The following ADAMTSL1 variants were observed in gnomAD, a reference collection of about 807,000 sequenced individuals.
The protein encoded by ADAMTSL1 is ADAMTS-like protein 1.
A neutral mutation model predicts 201.8 loss-of-function variants in ADAMTSL1; 126 were observed. The observed-to-expected ratio is 0.62, with a 90% CI of 0.54 to 0.72. ADAMTSL1 has a LOEUF of 0.72. Among genes scored for constraint, ADAMTSL1 ranks in the 30% least tolerant of loss-of-function variants. ADAMTSL1 has a pLI of 0.00. For synonymous variants in ADAMTSL1, 1,121 were observed against 903.4 expected (o/e 1.24, Z -4.32); for missense variants, 2,679 against 2,277.8 (o/e 1.18, Z -3.59).
chr9:17,952,297 C>A (rs925419376), intron 1 of ADAMTSL1, among the ~76,000 whole-genome samples: 1 of 151,978 alleles, frequency 6.6e-6, no homozygotes, highest in East Asian at 1.9e-4. Flanking sequence ...TATTTATGAA[C>A]AAATTCCTAC....
intron 2 of ADAMTSL1, among the ~76,000 whole-genome samples, chr9:18,332,146 A>T (rs753395285): frequency 2.0e-5 from 3 of 152,154 alleles, no homozygotes; most frequent in Non-Finnish European, 4.4e-5. Flanking sequence ...CCCAAAGTCA[A>T]TATATTATAT....
At chr9:18,726,054 C>A in intron 15 of ADAMTSL1, among the ~76,000 whole-genome samples, 1 of 152,182 alleles carries the variant, frequency 6.6e-6, no homozygotes, top group East Asian at 1.9e-4. Flanking sequence ...TTTCTCATCT[C>A]TGAAATAGGA....
chr9:18,348,544 A>T (rs1286304856), intron 2 of ADAMTSL1, among the ~76,000 whole-genome samples: 3 of 152,224 alleles, frequency 2.0e-5, no homozygotes, highest in Non-Finnish European at 4.4e-5. Flanking sequence ...AGATTCTAAA[A>T]TTCTCTAGAA....
chr9:18,890,929 T>G (rs1829219471), intron 25 of ADAMTSL1: 1 of 144,772 alleles, frequency 6.9e-6, no homozygotes, highest in African/African-American at 6.3e-5. Flanking sequence ...CTTAATTTAC[T>G]TCTGCAAATG....
chr9:18,301,285 T>C (rs922331343), intron 2 of ADAMTSL1, among the ~76,000 whole-genome samples: 12 of 152,094 alleles, frequency 7.9e-5, no homozygotes, highest in African/African-American at 1.9e-4. Context: ...ATTAGAATAA[T>C]AAAGGAAGTG....
At chr9:18,584,884 A>C (rs535466657) in intron 4 of ADAMTSL1, among the ~76,000 whole-genome samples, 2 of 152,306 alleles carry the variant, frequency 1.3e-5, no homozygotes, top group South Asian at 2.1e-4. Flanking sequence ...TGAATTTCCC[A>C]GTCTCCAGAA....
At chr9:18,851,381 A>G (rs999209254) in intron 23 of ADAMTSL1, among the ~76,000 whole-genome samples, 1 of 152,120 alleles carries the variant, frequency 6.6e-6, no homozygotes. Context: ...TGGAAATTCT[A>G]TTTCCATCTA....
chr9:18,652,003 A>T (rs759476784), intron 7 of ADAMTSL1, among the ~76,000 whole-genome samples: 3 of 152,128 alleles, frequency 2.0e-5, no homozygotes, highest in African/African-American at 7.2e-5. Flanking sequence ...CTAGCTTATA[A>T]TGTCATTTGG....
chr9:18,521,085 C>T (rs888958643), intron 2 of ADAMTSL1, among the ~76,000 whole-genome samples: 1 of 152,136 alleles, frequency 6.6e-6, no homozygotes, highest in East Asian at 1.9e-4. Flanking sequence ...GGAGATTTAA[C>T]CTCAAATGAG....
chr9:18,444,008 G>GT (rs1470600740), intron 2 of ADAMTSL1, among the ~76,000 whole-genome samples: 1 of 152,118 alleles, frequency 6.6e-6, no homozygotes, highest in East Asian at 1.9e-4. Context: ...TCACATTTAA[G>GT]TAAGAGGAAC....
Position 18,653,738 on chromosome 9 carries a change from G to T in ADAMTSL1, c.835-3901G>T, listed in dbSNP as rs115723639. Among the ~76,000 whole-genome samples the T allele has an allele frequency of 6.1e-3, 935 of 152,212 alleles. 7 individuals are homozygous for T. Among genetic ancestry groups the T allele is most frequent in the African/African-American group, 0.021 (857 of 41,550 alleles). On this transcript the variant is annotated intron_variant, in intron 7 of 28. Transcript: ENST00000380548. Reference sequence around the variant, plus strand: ...ACTCTATAAGAAGTATAGAGGTAAAGTTGGGTACTAACATTTTTTAAAATC... The same window carrying T: ...ACTCTATAAGAAGTATAGAGGTAAATTTGGGTACTAACATTTTTTAAAATC...
chr9:18,806,942 T>C lies in ADAMTSL1; in HGVS notation c.3806-10167T>C, dbSNP rs188333357. Reference sequence around the variant, plus strand: ...TCAGGCTCTCCTGTTGTGTAAGAGCTGCCCTCGTTTACTGTGAGGCTCTAT... The same window carrying C: ...TCAGGCTCTCCTGTTGTGTAAGAGCCGCCCTCGTTTACTGTGAGGCTCTAT... On this transcript the variant is annotated intron_variant, in intron 20 of 28. Transcript: ENST00000380548. Among the ~76,000 whole-genome samples the C allele has an allele frequency of 2.1e-3, 266 of 126,926 alleles. 2 individuals are homozygous for C. Among genetic ancestry groups the C allele is most frequent in the Non-Finnish European group, 2.4e-3 (143 of 59,538 alleles). The allele number at this position is 126,926 out of a possible 152,430, so 83.3% of individuals were successfully genotyped here. A position where few individuals can be genotyped will look rare whatever the true frequency, so the allele number is the denominator to read the frequency against.
chr9:18,130,506 A>G (rs1042886464), intron 1 of ADAMTSL1, among the ~76,000 whole-genome samples: 1 of 152,144 alleles, frequency 6.6e-6, no homozygotes, highest in African/African-American at 2.4e-5. Context: ...AGAATGGAGC[A>G]TTCTTTCAGT....
At chr9:18,796,547 C>T (rs1032654978) in intron 20 of ADAMTSL1, 1 of 152,248 alleles carries the variant, frequency 6.6e-6, no homozygotes, top group Non-Finnish European at 1.5e-5. Context: ...TACTGTACTC[C>T]AGTCACACAT....
At chr9:18,039,254 A>G (rs1888111) in intron 1 of ADAMTSL1, among the ~76,000 whole-genome samples, 2,240 of 152,324 alleles carry the variant, frequency 0.015, 62 homozygotes, top group South Asian at 0.048. Context: ...TAATGCCATT[A>G]AGGGATTAAG....
intron 10 of ADAMTSL1, 107 bp from the exon 11 acceptor site, chr9:18,680,205 C>G (rs1028734053): frequency 2.5e-6 from 3 of 1,189,982 alleles, no homozygotes; most frequent in African/African-American, 1.5e-5. Flanking sequence ...CTTAGCCTCT[C>G]AGAACCTGAT....
chr9:18,541,534 G>C (rs1010529007), intron 3 of ADAMTSL1, among the ~76,000 whole-genome samples: 1 of 151,776 alleles, frequency 6.6e-6, no homozygotes, highest in African/African-American at 2.4e-5. Context: ...AAAAATTTAT[G>C]GGTGGGAGGA....
chr9:17,970,611 G>C (rs923330367), intron 1 of ADAMTSL1, among the ~76,000 whole-genome samples: 1 of 152,008 alleles, frequency 6.6e-6, no homozygotes, highest in Non-Finnish European at 1.5e-5. Context: ...CCTGTGTACA[G>C]AATGACATTT....
chr9:18,817,288 G>T, intron 21 of ADAMTSL1, 51 bp downstream of exon 21: 3 of 1,524,496 alleles, frequency 2.0e-6, no homozygotes, highest in Non-Finnish European at 1.8e-6. Context: ...CCTGTGCTAG[G>T]TTGGGGATAC....
Sources: gnomAD v4.1 joint callset for allele counts (sites outside exome capture counted in the v4.1 genomes callset) on GRCh38, gnomAD v4.1.1 for gene constraint, MANE v1.5 for transcripts, NCBI Gene and HGNC (gene_info 2026-07-23, HGNC 2026-07-21) for gene names.